Variants in ERICH3 observed in about 807,000 individuals in gnomAD.
ERICH3 encodes the protein glutamate rich 3, also known as glutamate-rich protein 3.
ERICH3 carries 126 observed loss-of-function variants against 131.1 expected under a neutral mutation model. The ratio of observed to expected loss-of-function variants is 0.96; its 90% confidence interval spans 0.83 to 1.11. ERICH3 has a LOEUF of 1.11. Among genes scored for constraint, ERICH3 ranks in the 50% most tolerant of loss-of-function variants. The pLI is 0.00. For synonymous variants in ERICH3, 695 were observed against 644.6 expected, an observed-to-expected ratio of 1.08 and a Z score of -1.18; for missense variants, 2,050 against 1,810.7, an observed-to-expected ratio of 1.13 and a Z score of -2.40.
Position 74,572,352 on chromosome 1 carries a change from T to C in ERICH3, c.3358A>G (p.Asn1120Asp), listed in dbSNP as rs760487344. ...TTCTCAGCATCAGATCCCATTTCAT[T>C]TGGGGGAGCTTTTGTCTCTTCCTCA... ...RAEEETKAPPNEMGSDAENEA... is the reference protein window; with the variant it reads ...RAEEETKAPPDEMGSDAENEA... The change falls in exon 14 of 15, where the codon AAT (asparagine) becomes GAT (aspartate). Residue 1120 changes from asparagine (N) to aspartate (D), a missense_variant. Asn to Asp is a conservative substitution (Grantham distance 23). Coordinates refer to ENST00000326665, the MANE Select transcript of ERICH3 (RefSeq NM_001002912.5). 7 of 1,613,770 alleles carry C rather than the reference T, an allele frequency of 4.3e-6. No homozygotes were observed. Among genetic ancestry groups the C allele is most frequent in the Non-Finnish European group, 5.9e-6 (7 of 1,179,984 alleles).
Position 74,571,997 on chromosome 1 carries a change from C to T in ERICH3, c.3713G>A (p.Gly1238Asp). 1 of 1,614,086 alleles carries T rather than the reference C, an allele frequency of 6.2e-7. No individual in the cohort carries two copies. The highest frequency in any genetic ancestry group is 1.3e-5 in the African/African-American group (1 of 75,064). ...QAPEGLIPAT[G>D]QAEELAAKDH... ...TTTGGCTGCTAGCTCCTCTGCCTGGCCTGTGGCTGGGATCAGCCCCTCAGG... is the reference window on the plus strand; with the variant it reads ...TTTGGCTGCTAGCTCCTCTGCCTGGTCTGTGGCTGGGATCAGCCCCTCAGG... The change falls in exon 14 of 15, where the codon GGC becomes GAC. Residue 1238 changes from glycine (G) to aspartate (D), a missense_variant. By Grantham distance (94) the Gly-to-Asp change is moderately conservative. Coordinates refer to ENST00000326665, the MANE Select transcript of ERICH3 (RefSeq NM_001002912.5).
At chr1:74,665,705 C>T (rs1646685748) in intron 1 of ERICH3, among the ~76,000 whole-genome samples, 1 of 152,136 alleles carries the variant, frequency 6.6e-6, no homozygotes, top group African/African-American at 2.4e-5. Flanking sequence ...TTGTCCTAAT[C>T]TCTTCTTATG....
chr1:74,667,773 C>T (rs1646705540), intron 1 of ERICH3, among the ~76,000 whole-genome samples: 1 of 152,128 alleles, frequency 6.6e-6, no homozygotes, highest in Admixed American at 6.5e-5. Flanking sequence ...AACCCAAAGA[C>T]TTTCCTGGGG....
At chr1:74,641,941 A>G (rs529373632) in intron 4 of ERICH3, among the ~76,000 whole-genome samples, 36 of 152,286 alleles carry the variant, frequency 2.4e-4, no homozygotes, top group African/African-American at 8.4e-4. Context: ...CAATGCTACA[A>G]TATGCCCATG....
intron 12 of ERICH3, among the ~76,000 whole-genome samples, chr1:74,583,357 G>T (rs976804914): frequency 2.0e-5 from 3 of 151,972 alleles, no homozygotes; most frequent in African/African-American, 4.8e-5. Context: ...TCCTATACAT[G>T]CCTCCTTATA....
chr1:74,642,945 G>T, intron 4 of ERICH3, 82 bp downstream of exon 4: 1 of 1,046,420 alleles, frequency 9.6e-7, no homozygotes, highest in Non-Finnish European at 1.4e-6. Flanking sequence ...GTGTCCCAGG[G>T]AACTGGAATC....
Position 74,632,784 on chromosome 1 carries a change from A to C in ERICH3, c.604-856T>G, listed in dbSNP as rs188561768. Among the ~76,000 whole-genome samples the C allele has an allele frequency of 3.8e-3, 585 of 152,126 alleles. 1 individual carries two copies. Among genetic ancestry groups the C allele is most frequent in the African/African-American group, 0.013 (551 of 41,576 alleles). ...AATAATTTACGTGTGAATTCTGATTAAAAATAAGAATGACTGAAAAAACTT... is the reference window on the plus strand; with the variant it reads ...AATAATTTACGTGTGAATTCTGATTCAAAATAAGAATGACTGAAAAAACTT... On this transcript the variant is annotated intron_variant, in intron 6 of 14. Transcript: ENST00000326665.
At position 74,572,364 on chromosome 1, in the gene ERICH3, T is replaced by TTGTCTCTTCCTCAGCTCTTACTTC. The variant is rs1553160360; in HGVS notation, c.3322_3345dup (p.Glu1108_Thr1115dup). 1.2e-6 allele frequency: 2 copies of TTGTCTCTTCCTCAGCTCTTACTTC among 1,613,790 alleles called. No individual in the cohort carries two copies. The highest frequency in any genetic ancestry group is 2.2e-5 in the South Asian group (2 of 91,072). ...GATCCCATTTCATTTGGGGGAGCTT[T>TTGTCTCTTCCTCAGCTCTTACTTC]TGTCTCTTCCTCAGCTCTTACTTCT... On this transcript the variant is annotated inframe_insertion, in exon 14 of 15. Transcript: ENST00000326665.
intron 11 of ERICH3, among the ~76,000 whole-genome samples, chr1:74,592,996 G>A (rs976468650): frequency 1.3e-5 from 2 of 152,176 alleles, no homozygotes; most frequent in African/African-American, 2.4e-5. Context: ...GTCATTAGGA[G>A]GGAAAAATTA....
intron 7 of ERICH3, among the ~76,000 whole-genome samples, chr1:74,628,485 A>T (rs921803391): frequency 4.6e-5 from 7 of 152,172 alleles, no homozygotes; most frequent in Non-Finnish European, 1.0e-4. Context: ...TCTTTTCTCT[A>T]ACTTTGTAAG....
intron 13 of ERICH3, among the ~76,000 whole-genome samples, chr1:74,574,185 T>C (rs1647011585): frequency 6.6e-6 from 1 of 152,058 alleles, no homozygotes; most frequent in Admixed American, 6.6e-5. Flanking sequence ...GTTTTGTTAG[T>C]AGAGACAGGG....
At chr1:74,631,063 C>T (rs1031410738) in intron 7 of ERICH3, among the ~76,000 whole-genome samples, 16 of 152,056 alleles carry the variant, frequency 1.1e-4, no homozygotes, top group South Asian at 4.2e-4. Flanking sequence ...ACTTCACTTC[C>T]TGATGGTCAG....
chr1:74,572,771 G>A lies in ERICH3; in HGVS notation c.2939C>T (p.Pro980Leu), dbSNP rs1283951277. The change falls in exon 14 of 15, where the codon CCA (proline) becomes CTA (leucine). Residue 980 changes from proline (P) to leucine (L), a missense_variant. Physicochemically the swap from Pro to Leu is moderately conservative, Grantham distance 98. Coordinates refer to ENST00000326665, the MANE Select transcript of ERICH3 (RefSeq NM_001002912.5). Reference sequence around the variant, plus strand: ...CATAACCTCTTTTCTCTCTTTGGCTGGTTCCTCTCCCCCAAGAATTGCCTC... The same window carrying A: ...CATAACCTCTTTTCTCTCTTTGGCTAGTTCCTCTCCCCCAAGAATTGCCTC... ...SEEAILGGEE[P>L]AKERKEVMRT... The A allele has an allele frequency of 2.5e-6, 4 of 1,613,764 alleles. No individual in the cohort carries two copies. Among genetic ancestry groups the A allele is most frequent in the Non-Finnish European group, 3.4e-6 (4 of 1,179,954 alleles).
chr1:74,673,641 G>T lies in ERICH3; in HGVS notation c.-122C>A. ...GGCTCCGCACCGAGGTCCCCTGTGCGCGGGCACCTGGGCTGGGCCGCCGCC... is the reference window on the plus strand; with the variant it reads ...GGCTCCGCACCGAGGTCCCCTGTGCTCGGGCACCTGGGCTGGGCCGCCGCC... On this transcript the variant is annotated 5_prime_UTR_variant, in exon 1 of 15. Coordinates refer to ENST00000326665, the MANE Select transcript of ERICH3 (RefSeq NM_001002912.5). 2 of 1,115,912 alleles carry T rather than the reference G, an allele frequency of 1.8e-6. No homozygotes were observed. The highest frequency in any genetic ancestry group is 1.2e-6 in the Non-Finnish European group (1 of 809,218). 69.1% of individuals were successfully genotyped at this position (1,115,912 alleles called of 1,614,324 possible). A position where few individuals can be genotyped will look rare whatever the true frequency, so the allele number is the denominator to read the frequency against.
intron 5 of ERICH3, among the ~76,000 whole-genome samples, chr1:74,636,878 CT>C (rs1366765574): frequency 2.0e-5 from 3 of 152,168 alleles, no homozygotes; most frequent in African/African-American, 7.2e-5. Flanking sequence ...TACTCTGAAT[CT>C]TTTAAGCCTT....
intron 10 of ERICH3, among the ~76,000 whole-genome samples, chr1:74,606,255 G>A (rs3113981): frequency 0.046 from 7,020 of 151,938 alleles, 201 homozygotes; most frequent in South Asian, 0.13. Context: ...TCAATTTCAT[G>A]AAAAACAGTA....
In ERICH3 at chr1:74,573,160, C is replaced by A. The variant is rs767419093; in HGVS notation, c.2550G>T (p.Arg850Ser). ...TGGGGTCTGACCCCCCTTCACCCAGCCTTCTGACCCCTTCTGCTTCTGCTG... is the reference window on the plus strand; with the variant it reads ...TGGGGTCTGACCCCCCTTCACCCAGACTTCTGACCCCTTCTGCTTCTGCTG... ...EGAAEAEGVR[R>S]LGEGGSDPIG... Residue 850 changes from arginine (R) to serine (S), a missense_variant, in exon 14 of 15, where the codon AGG becomes AGT. Arg to Ser is a moderately radical substitution (Grantham distance 110). Coordinates refer to ENST00000326665, the MANE Select transcript of ERICH3 (RefSeq NM_001002912.5). The A allele has an allele frequency of 3.4e-5, 55 of 1,613,412 alleles. No homozygotes were observed. In the South Asian group the frequency reaches 5.5e-4, roughly 16 times the overall value.
intron 1 of ERICH3, among the ~76,000 whole-genome samples, chr1:74,661,667 C>T (rs761930135): frequency 1.3e-5 from 2 of 151,970 alleles, no homozygotes; most frequent in Non-Finnish European, 2.9e-5. Context: ...GAATTAAATC[C>T]TAAAGACTTA....
intron 13 of ERICH3, among the ~76,000 whole-genome samples, chr1:74,574,262 G>GA: frequency 6.6e-6 from 1 of 152,098 alleles, no homozygotes; most frequent in Non-Finnish European, 1.5e-5. Flanking sequence ...TGGGATTACA[G>GA]GTGTGGGCCA....
Sources: allele counts gnomAD v4.1 joint callset (sites outside exome capture counted in the v4.1 genomes callset), GRCh38; gene constraint gnomAD v4.1.1; transcripts MANE v1.5; gene names NCBI Gene and HGNC (gene_info 2026-07-23, HGNC 2026-07-21).